The following KCNN2 variants were observed in gnomAD, a reference collection of about 807,000 sequenced individuals.
KCNN2 encodes the protein potassium calcium-activated channel subfamily N member 2.
KCNN2 carries 24 observed loss-of-function variants against 55.5 expected under a neutral mutation model. That is an observed-to-expected ratio of 0.43 (90% CI 0.31 to 0.61). The LOEUF (loss-of-function observed/expected upper bound fraction) is 0.61, where lower values mean the gene tolerates loss of function less well. Ranked by LOEUF, KCNN2 falls within the 20% of genes least tolerant of loss-of-function variation. KCNN2 has a pLI of 0.08. For missense variants in KCNN2, 754 were observed against 853.6 expected, an observed-to-expected ratio of 0.88 and a Z score of 1.45; for synonymous variants, 431 against 336.1, an observed-to-expected ratio of 1.28 and a Z score of -3.09.
Position 114,401,373 on chromosome 5 carries a change from A to G in KCNN2, c.1219-3065A>G, listed in dbSNP as rs567378048. On this transcript the variant is annotated intron_variant, in intron 2 of 7. Coordinates refer to ENST00000673685, the MANE Select transcript of KCNN2 (RefSeq NM_021614.4). ...ATTTAGGTGAATGTGTCTTACATTC[A>G]CTTGCATTATGCTTCGGTATTCTCA... Among the ~76,000 whole-genome samples, 21 of 152,290 alleles carry G rather than the reference A, an allele frequency of 1.4e-4. No individual in the cohort carries two copies. In the East Asian group the frequency reaches 4.1e-3, roughly 29 times the overall value.
chr5:114,239,841 T>C (rs10041267), intron 2 of KCNN2, among the ~76,000 whole-genome samples: 55,427 of 152,076 alleles, frequency 0.36, 10,618 homozygotes, highest in East Asian at 0.74. Context: ...CTTTGAACTA[T>C]CAGTTGAAAG....
intron 2 of KCNN2, among the ~76,000 whole-genome samples, chr5:114,372,733 A>G (rs1054387985): frequency 1.3e-5 from 2 of 152,116 alleles, no homozygotes; most frequent in African/African-American, 4.8e-5. Context: ...TATAAAGTAT[A>G]TGGACATGCT....
chr5:114,449,902 ACACACACGCGCGCGCT>A (rs1413869492), intron 3 of KCNN2, among the ~76,000 whole-genome samples: 1 of 80,434 alleles, frequency 1.2e-5, no homozygotes, highest in African/African-American at 3.8e-5. Flanking sequence ...ACACACACAC[ACACACACGCGCGCGCT>A]CGCGTGCGCG....
rs867064173 is a variant in KCNN2, at chr5:114,496,372, G to A, written c.*190G>A. On this transcript the variant is annotated 3_prime_UTR_variant, in exon 8 of 8. Coordinates refer to ENST00000673685, the MANE Select transcript of KCNN2 (RefSeq NM_021614.4). ...TTTTTTTTTCTTTCAGATGCACAGGGAATGCACCTATTATTGCTATATAGA... is the reference window on the plus strand; with the variant it reads ...TTTTTTTTTCTTTCAGATGCACAGGAAATGCACCTATTATTGCTATATAGA... The A allele has an allele frequency of 1.2e-5, 7 of 590,626 alleles. No homozygotes were observed. The highest frequency in any genetic ancestry group is 1.1e-4 in the African/African-American group (6 of 53,732). 36.6% of individuals were successfully genotyped at this position (590,626 alleles called of 1,614,324 possible).
intron 3 of KCNN2, among the ~76,000 whole-genome samples, chr5:114,433,340 ACT>A (rs1759870015): frequency 6.6e-6 from 1 of 152,002 alleles, no homozygotes; most frequent in Non-Finnish European, 1.5e-5. Flanking sequence ...TTGTGTGGAC[ACT>A]CTGTATCTGT....
chr5:114,409,240 G>C (rs1335871251), intron 3 of KCNN2, among the ~76,000 whole-genome samples: 1 of 152,032 alleles, frequency 6.6e-6, no homozygotes, highest in Non-Finnish European at 1.5e-5. Context: ...AACCAGCATT[G>C]TGTTAATAGA....
chr5:114,341,035 A>G (rs1229685055), intron 2 of KCNN2, among the ~76,000 whole-genome samples: 2 of 152,210 alleles, frequency 1.3e-5, no homozygotes, highest in African/African-American at 4.8e-5. Context: ...AAGGGTGAAT[A>G]TAATATTTCA....
chr5:114,378,935 T>C (rs1335831758), intron 2 of KCNN2, among the ~76,000 whole-genome samples: 1 of 152,212 alleles, frequency 6.6e-6, no homozygotes, highest in East Asian at 1.9e-4. Context: ...TGTTATTTTC[T>C]TTTGGTCTGA....
intron 1 of KCNN2, among the ~76,000 whole-genome samples, chr5:114,196,582 A>T (rs1360992476): frequency 1.3e-5 from 2 of 151,802 alleles, no homozygotes; most frequent in Non-Finnish European, 2.9e-5. Context: ...TAGATTGGGT[A>T]ATTTGTTTCT....
intron 1 of KCNN2, among the ~76,000 whole-genome samples, chr5:114,076,384 A>C (rs1335351286): frequency 6.6e-6 from 1 of 152,206 alleles, no homozygotes; most frequent in Non-Finnish European, 1.5e-5. Flanking sequence ...GGATGGAATG[A>C]GAGAGATGTG....
At chr5:114,483,773 C>T (rs1293184872) in intron 5 of KCNN2, among the ~76,000 whole-genome samples, 3 of 151,408 alleles carry the variant, frequency 2.0e-5, no homozygotes, top group African/African-American at 7.3e-5. Context: ...AAAGATCCTT[C>T]CCCCCACTTT....
intron 2 of KCNN2, among the ~76,000 whole-genome samples, chr5:114,324,035 A>C (rs2150030630): frequency 6.6e-6 from 1 of 152,280 alleles, no homozygotes; most frequent in Non-Finnish European, 1.5e-5. Context: ...TTATAAACCA[A>C]ATCTTCCTAG....
chr5:114,461,136 C>A (rs1251448522), intron 3 of KCNN2, among the ~76,000 whole-genome samples: 1 of 152,164 alleles, frequency 6.6e-6, no homozygotes, highest in African/African-American at 2.4e-5. Flanking sequence ...CCAGAGCAGT[C>A]CACAGAATCC....
At chr5:114,477,490 C>T (rs1202506285) in intron 5 of KCNN2, among the ~76,000 whole-genome samples, 1 of 152,124 alleles carries the variant, frequency 6.6e-6, no homozygotes, top group Non-Finnish European at 1.5e-5. Context: ...ATTTACATGA[C>T]ATTCTGCAAT....
chr5:114,262,979 A>G (rs1755137928), intron 2 of KCNN2, among the ~76,000 whole-genome samples: 1 of 152,216 alleles, frequency 6.6e-6, no homozygotes, highest in African/African-American at 2.4e-5. Context: ...TTAAAAGGGA[A>G]TATCAAAAAG....
At chr5:114,137,555 T>C (rs1277718234) in intron 1 of KCNN2, among the ~76,000 whole-genome samples, 2 of 145,710 alleles carry the variant, frequency 1.4e-5, no homozygotes, top group Non-Finnish European at 3.0e-5. Context: ...ATAAAGTACT[T>C]CGCATAGCAT....
chr5:114,088,740 C>T (rs1189699553), intron 1 of KCNN2, among the ~76,000 whole-genome samples: 1 of 152,130 alleles, frequency 6.6e-6, no homozygotes, highest in Non-Finnish European at 1.5e-5. Flanking sequence ...TTGCCTCAGC[C>T]TCCCAAGTAG....
chr5:114,151,044 C>CA (rs1752512427), intron 1 of KCNN2, among the ~76,000 whole-genome samples: 1 of 151,276 alleles, frequency 6.6e-6, no homozygotes, highest in Non-Finnish European at 1.5e-5. Context: ...CAAACAACAA[C>CA]AAAAAAACAA....
chr5:114,342,063 G>A (rs1167021273), intron 2 of KCNN2, among the ~76,000 whole-genome samples: 2 of 151,980 alleles, frequency 1.3e-5, no homozygotes, highest in Non-Finnish European at 2.9e-5. Context: ...CACCATGCCT[G>A]GCTAATTTTT....
Sources: gnomAD v4.1 joint callset for allele counts (sites outside exome capture counted in the v4.1 genomes callset) on GRCh38, gnomAD v4.1.1 for gene constraint, MANE v1.5 for transcripts, NCBI Gene and HGNC (gene_info 2026-07-23, HGNC 2026-07-21) for gene names.